KIF6: variants seen among roughly 807,000 people sequenced by gnomAD.
KIF6 encodes the protein kinesin family member 6, also known as kinesin-like protein KIF6.
A neutral mutation model predicts 112.7 loss-of-function variants in KIF6; 106 were observed. That is an observed-to-expected ratio of 0.94 (90% confidence interval 0.80 to 1.11). The LOEUF is 1.11. Among genes scored for constraint, KIF6 ranks in the 50% least tolerant of loss-of-function variants. KIF6 has a pLI of 0.00. For missense variants in KIF6, 929 were observed against 964.0 expected (o/e 0.96, Z 0.48); for synonymous variants, 339 against 339.9 (o/e 1.00, Z 0.03).
At chr6:39,351,955 A>G (rs1051001594) in intron 19 of KIF6, among the ~76,000 whole-genome samples, 1 of 152,178 alleles carries the variant, frequency 6.6e-6, no homozygotes, top group Admixed American at 6.5e-5. Flanking sequence ...GCAGGTATAC[A>G]GGGGTTGGAA....
In KIF6 at chr6:39,486,041, A is replaced by G. The variant is rs910287733; in HGVS notation, c.1645+53962T>C. 2.0e-5 allele frequency among the ~76,000 whole-genome samples: 3 copies of G among 152,306 alleles called. No individual in the cohort carries two copies. The East Asian group carries it at 5.8e-4, about 29-fold the overall frequency. ...CAGCCTCCAGAGTCCCTGCCAGGCA[A>G]TGAAGAACAATGCTTGTGGCAGATG... On this transcript the variant is annotated intron_variant, in intron 13 of 22. Coordinates refer to ENST00000287152, the MANE Select transcript of KIF6 (RefSeq NM_145027.6).
At chr6:39,692,823 T>A (rs1359075146) in intron 3 of KIF6, among the ~76,000 whole-genome samples, 1 of 151,228 alleles carries the variant, frequency 6.6e-6, no homozygotes, top group Non-Finnish European at 1.5e-5. Flanking sequence ...AACAGAAGAG[T>A]TATCCTCCAT....
At chr6:39,711,380 T>C (rs901789184) in intron 3 of KIF6, among the ~76,000 whole-genome samples, 1 of 151,184 alleles carries the variant, frequency 6.6e-6, no homozygotes, top group African/African-American at 2.4e-5. Context: ...TGAAGCAGTA[T>C]CTTCACAGTT....
At chr6:39,671,793 A>G (rs1194545214) in intron 3 of KIF6, among the ~76,000 whole-genome samples, 1 of 152,224 alleles carries the variant, frequency 6.6e-6, no homozygotes, top group Non-Finnish European at 1.5e-5. Flanking sequence ...GATAAGAAAA[A>G]AGACTGATTC....
intron 13 of KIF6, among the ~76,000 whole-genome samples, chr6:39,477,013 C>T (rs954012089): frequency 2.0e-5 from 3 of 152,104 alleles, no homozygotes; most frequent in African/African-American, 2.4e-5. Context: ...TACTTTGTAG[C>T]GAGGCATTTG....
intron 16 of KIF6, among the ~76,000 whole-genome samples, chr6:39,383,737 G>A (rs2150310977): frequency 6.6e-6 from 1 of 152,212 alleles, no homozygotes; most frequent in South Asian, 2.1e-4. Flanking sequence ...CATTGAAACT[G>A]TAGATTGTTT....
intron 5 of KIF6, among the ~76,000 whole-genome samples, chr6:39,629,130 T>C (rs1232363969): frequency 1.3e-5 from 2 of 152,136 alleles, no homozygotes; most frequent in African/African-American, 2.4e-5. Context: ...GACTGCTATA[T>C]GTATTTGTGG....
intron 15 of KIF6, among the ~76,000 whole-genome samples, chr6:39,406,469 T>C (rs541983656): frequency 2.6e-5 from 4 of 152,340 alleles, no homozygotes; most frequent in Non-Finnish European, 5.9e-5. Context: ...TTGAGTTTTG[T>C]TCTTATCTTT....
At chr6:39,354,397 C>A (rs1431333626) in intron 19 of KIF6, among the ~76,000 whole-genome samples, 1 of 152,216 alleles carries the variant, frequency 6.6e-6, no homozygotes, top group African/African-American at 2.4e-5. Flanking sequence ...CAAACTGGCT[C>A]ACATGGGACA....
At chr6:39,521,786 C>T (rs1274285039) in intron 13 of KIF6, among the ~76,000 whole-genome samples, 4 of 152,166 alleles carry the variant, frequency 2.6e-5, no homozygotes, top group African/African-American at 9.7e-5. Flanking sequence ...TTCTCAGAAG[C>T]ATATCATTAA....
intron 13 of KIF6, among the ~76,000 whole-genome samples, chr6:39,514,856 T>C (rs990094484): frequency 7.2e-5 from 11 of 152,224 alleles, no homozygotes; most frequent in African/African-American, 2.2e-4. Context: ...GAAAATAATA[T>C]AACACTTGTT....
intron 10 of KIF6, among the ~76,000 whole-genome samples, chr6:39,562,401 C>T (rs1306560603): frequency 6.6e-6 from 1 of 152,162 alleles, no homozygotes; most frequent in Non-Finnish European, 1.5e-5. Context: ...CAGAAAATAT[C>T]ATTTCTATAA....
At chr6:39,691,782 ATAC>A (rs917861820) in intron 3 of KIF6, 1 of 152,240 alleles carries the variant, frequency 6.6e-6, no homozygotes, top group Non-Finnish European at 1.5e-5. Context: ...TGGCGGAAAA[ATAC>A]TACATAACTG....
In KIF6 at chr6:39,544,712, G is replaced by C; in HGVS notation, c.1288-19C>G. The C allele has an allele frequency of 1.4e-6, 2 of 1,479,616 alleles. No individual in the cohort carries two copies. Among genetic ancestry groups the C allele is most frequent in the Non-Finnish European group, 1.8e-6 (2 of 1,085,560 alleles). 91.7% of individuals were successfully genotyped at this position (1,479,616 alleles called of 1,614,324 possible). On this transcript the variant is annotated intron_variant, in intron 11 of 22. Transcript: ENST00000287152. ...ATAGTTTCTGTAAGATAAAATAAGA[G>C]CTTAGTACCCATATCTCTAGTCCAA...
chr6:39,693,519 T>A (rs1169888706), intron 3 of KIF6, among the ~76,000 whole-genome samples: 2 of 152,168 alleles, frequency 1.3e-5, no homozygotes, highest in Non-Finnish European at 2.9e-5. Flanking sequence ...AAAAAGGTCC[T>A]CAGGGACTAC....
At chr6:39,433,607 G>A (rs73424675) in intron 13 of KIF6, among the ~76,000 whole-genome samples, 1,803 of 152,274 alleles carry the variant, frequency 0.012, 37 homozygotes, top group African/African-American at 0.04. Context: ...CTTTGATTGT[G>A]GTGACCACAG....
chr6:39,604,631 T>C (rs562656293), intron 6 of KIF6, among the ~76,000 whole-genome samples: 18 of 152,294 alleles, frequency 1.2e-4, no homozygotes, highest in Non-Finnish European at 2.2e-4. Flanking sequence ...CAGCATGTTG[T>C]CAAAGTAGTT....
At chr6:39,559,832 A>T (rs973590621) in intron 10 of KIF6, among the ~76,000 whole-genome samples, 2 of 151,696 alleles carry the variant, frequency 1.3e-5, no homozygotes, top group Non-Finnish European at 2.9e-5. Flanking sequence ...GGTACTTTAA[A>T]AAAAAAAAAA....
At chr6:39,530,866 G>A (rs1413642993) in intron 13 of KIF6, among the ~76,000 whole-genome samples, 2 of 152,002 alleles carry the variant, frequency 1.3e-5, no homozygotes, top group Non-Finnish European at 2.9e-5. Context: ...TTTGTATTTG[G>A]TTTAGTTTAT....
Sources: allele counts gnomAD v4.1 joint callset (sites outside exome capture counted in the v4.1 genomes callset), GRCh38; gene constraint gnomAD v4.1.1; transcripts MANE v1.5; gene names NCBI Gene and HGNC (gene_info 2026-07-23, HGNC 2026-07-21).